The following ASAP1 variants were observed in gnomAD, a reference collection of about 807,000 sequenced individuals.
ASAP1 encodes ArfGAP with SH3 domain, ankyrin repeat and PH domain 1, also known as arf-GAP with SH3 domain, ANK repeat and PH domain-containing protein 1.
Under a neutral mutation model 145.2 loss-of-function variants are expected in ASAP1, and 43 were observed. The observed-to-expected ratio is 0.30, with a 90% CI of 0.23 to 0.38. ASAP1 has a LOEUF of 0.38. Among genes scored for constraint, ASAP1 ranks in the 10% least tolerant of loss-of-function variants. The pLI, the probability that ASAP1 is intolerant of heterozygous loss-of-function variation, is 1.00. For missense variants in ASAP1, 1,018 were observed against 1,355.3 expected (o/e 0.75, Z 3.91); for synonymous variants, 546 against 515.5 (o/e 1.06, Z -0.80).
chr8:130,116,584 A>T, intron 22 of ASAP1, 94 bp downstream of exon 22: 6 of 1,108,212 alleles, frequency 5.4e-6, no homozygotes, highest in Admixed American at 2.1e-5. Flanking sequence ...AAAAAAAATG[A>T]ATCTGCATTT....
chr8:130,154,104 G>C (rs1341287545), intron 12 of ASAP1, among the ~76,000 whole-genome samples: 2 of 152,070 alleles, frequency 1.3e-5, no homozygotes, highest in African/African-American at 4.8e-5. Flanking sequence ...GAACTGCCTC[G>C]GGAGGTACAG....
At chr8:130,386,166 TGGA>T (rs1828006365) in intron 2 of ASAP1, among the ~76,000 whole-genome samples, 1 of 152,072 alleles carries the variant, frequency 6.6e-6, no homozygotes, top group South Asian at 2.1e-4. Context: ...ATACAGCCAG[TGGA>T]GGAGAAAGCA....
At chr8:130,377,394 G>A (rs1197457680) in intron 2 of ASAP1, among the ~76,000 whole-genome samples, 2 of 152,140 alleles carry the variant, frequency 1.3e-5, no homozygotes, top group African/African-American at 2.4e-5. Context: ...AAGAATTCCT[G>A]AGACCATGTG....
intron 28 of ASAP1, 55 bp downstream of exon 28, chr8:130,060,522 ACC>A: frequency 6.5e-7 from 1 of 1,527,442 alleles, no homozygotes; most frequent in East Asian, 2.3e-5. Context: ...CTGCCCTCCC[ACC>A]AACTTGCAAA....
intron 3 of ASAP1, among the ~76,000 whole-genome samples, chr8:130,343,310 C>T (rs911904495): frequency 6.6e-6 from 1 of 152,154 alleles, no homozygotes; most frequent in Non-Finnish European, 1.5e-5. Flanking sequence ...ACTCACCACC[C>T]CCTAACACTG....
chr8:130,284,235 T>C (rs1821452883), intron 3 of ASAP1, among the ~76,000 whole-genome samples: 1 of 152,092 alleles, frequency 6.6e-6, no homozygotes. Flanking sequence ...AACCTGGAAA[T>C]TTAGTAATAA....
intron 3 of ASAP1, among the ~76,000 whole-genome samples, chr8:130,347,893 A>C (rs907233997): frequency 1.3e-5 from 2 of 152,192 alleles, no homozygotes; most frequent in Non-Finnish European, 2.9e-5. Flanking sequence ...CCTTCCAATA[A>C]GTCCCCATTT....
chr8:130,160,423 AG>A (rs1187330459), intron 11 of ASAP1, among the ~76,000 whole-genome samples: 2 of 152,220 alleles, frequency 1.3e-5, no homozygotes, highest in East Asian at 1.9e-4. Context: ...CCCAAATAAA[AG>A]GGGAACCTTC....
At chr8:130,393,646 C>T (rs2138503954) in intron 2 of ASAP1, among the ~76,000 whole-genome samples, 1 of 152,260 alleles carries the variant, frequency 6.6e-6, no homozygotes, top group East Asian at 1.9e-4. Flanking sequence ...ATCCCAGCTG[C>T]TCGGGAGGCT....
chr8:130,283,007 T>C (rs764872031), intron 3 of ASAP1, among the ~76,000 whole-genome samples: 71 of 152,212 alleles, frequency 4.7e-4, no homozygotes, highest in Admixed American at 2.6e-3. Context: ...ATGGTCTATG[T>C]TCTTCAAACA....
chr8:130,087,104 T>C (rs563875059), intron 25 of ASAP1, among the ~76,000 whole-genome samples: 1 of 152,264 alleles, frequency 6.6e-6, no homozygotes, highest in Non-Finnish European at 1.5e-5. Flanking sequence ...ATAGAAAGTG[T>C]GATCATCAGC....
intron 11 of ASAP1, among the ~76,000 whole-genome samples, chr8:130,161,395 T>C (rs1284053250): frequency 6.6e-6 from 1 of 152,196 alleles, no homozygotes; most frequent in Non-Finnish European, 1.5e-5. Flanking sequence ...TGTTCAGTGA[T>C]GCAAAATTAA....
intron 2 of ASAP1, among the ~76,000 whole-genome samples, chr8:130,394,949 CA>C (rs1015938012): frequency 1.3e-5 from 2 of 152,158 alleles, no homozygotes; most frequent in Non-Finnish European, 2.9e-5. Context: ...CTGGTTTAAC[CA>C]CTTTACCCAC....
chr8:130,064,959 C>CG (rs1231540535), intron 27 of ASAP1, among the ~76,000 whole-genome samples: 1 of 151,464 alleles, frequency 6.6e-6, no homozygotes, highest in Non-Finnish European at 1.5e-5. Flanking sequence ...ACTGCAGTCT[C>CG]GGTCTCCCAG....
chr8:130,329,471 T>C (rs1460902597), intron 3 of ASAP1, among the ~76,000 whole-genome samples: 6 of 152,200 alleles, frequency 3.9e-5, no homozygotes, highest in Admixed American at 2.6e-4. Flanking sequence ...CCAAGAGCTA[T>C]TAAGAGGATC....
At chr8:130,094,966 A>C (rs919564502) in intron 24 of ASAP1, among the ~76,000 whole-genome samples, 4 of 152,222 alleles carry the variant, frequency 2.6e-5, no homozygotes, top group African/African-American at 9.6e-5. Context: ...CATGTCTCTG[A>C]GCAACGCTGC....
At chr8:130,111,648 T>G (rs928542680) in intron 24 of ASAP1, among the ~76,000 whole-genome samples, 6 of 151,456 alleles carry the variant, frequency 4.0e-5, no homozygotes, top group African/African-American at 1.2e-4. Context: ...TTCAAAAGAG[T>G]GGCATTTTAA....
At position 130,181,307 on chromosome 8, in the gene ASAP1, AT is replaced by A. The variant is rs1801405392; in HGVS notation, c.531-428del. 2.0e-5 allele frequency among the ~76,000 whole-genome samples: 3 copies of A among 152,356 alleles called. No homozygotes were observed. In the South Asian group the frequency reaches 6.2e-4, roughly 32 times the overall value. On this transcript the variant is annotated intron_variant, in intron 7 of 29. Transcript: ENST00000518721. ...TTACATTTTTCCTTTGATCTTACAC[AT>A]GACAGATTCATATACATTCTCTTAA...
intron 2 of ASAP1, among the ~76,000 whole-genome samples, chr8:130,380,884 CTTTA>C (rs1041062313): frequency 1.1e-4 from 17 of 151,940 alleles, no homozygotes; most frequent in African/African-American, 2.7e-4. Context: ...CACCTGGCTA[CTTTA>C]TTTATTTATT....
Sources: allele counts gnomAD v4.1 joint callset (sites outside exome capture counted in the v4.1 genomes callset), GRCh38; gene constraint gnomAD v4.1.1; transcripts MANE v1.5; gene names NCBI Gene and HGNC (gene_info 2026-07-23, HGNC 2026-07-21).